DHX33: variants seen among roughly 807,000 people sequenced by gnomAD.
DHX33 encodes the protein ATP-dependent RNA helicase DHX33.
In DHX33, 42 loss-of-function variants were observed where a neutral mutation model predicts 72.5. That is an observed-to-expected ratio of 0.58 (90% confidence interval 0.45 to 0.75). The LOEUF is 0.75. Among genes scored for constraint, DHX33 ranks in the 30% least tolerant of loss-of-function variants. The pLI, the probability that DHX33 is intolerant of heterozygous loss-of-function variation, is 0.00. For synonymous variants in DHX33, 358 were observed against 366.1 expected (o/e 0.98, Z 0.25); for missense variants, 842 against 917.5 (o/e 0.92, Z 1.06).
intron 1 of DHX33, 38 bp from the exon 2 acceptor site, chr17:5,463,727 A>C: frequency 6.4e-7 from 1 of 1,554,920 alleles, no homozygotes; most frequent in Non-Finnish European, 8.7e-7. Context: ...GGCTCACTGA[A>C]ATGCAAACTG....
In DHX33 at chr17:5,457,606, CA is replaced by C. The variant is rs55832565; in HGVS notation, c.850-1425del. Reference sequence around the variant, plus strand: ...TGGGCGACACAGTGAGACTCCATCTCAAAAAAAAAAAAAAAAAGTGCCTAAT... The same window carrying C: ...TGGGCGACACAGTGAGACTCCATCTCAAAAAAAAAAAAAAAAGTGCCTAAT... On this transcript the variant is annotated intron_variant, in intron 4 of 11. Coordinates refer to ENST00000225296, the MANE Select transcript of DHX33 (RefSeq NM_020162.4). Among the ~76,000 whole-genome samples the C allele has an allele frequency of 4.1e-3, 397 of 95,824 alleles. 1 individual carries two copies. Among genetic ancestry groups the C allele is most frequent in the Non-Finnish European group, 7.3e-3 (322 of 43,894 alleles). 62.9% of individuals were successfully genotyped at this position (95,824 alleles called of 152,430 possible).
In DHX33 at chr17:5,453,918, C is replaced by A. The variant is rs1917071090; in HGVS notation, c.1210G>T (p.Gly404Trp). ...CCACTGTCCTCTCTGCCAGCCCTCCCTGTGCGCTGCCAAGCCTGCGTCTTC... is the reference window on the plus strand; with the variant it reads ...CCACTGTCCTCTCTGCCAGCCCTCCATGTGCGCTGCCAAGCCTGCGTCTTC... ...VSKTQAWQRT[G>W]RAGREDSGIC... is the part of the protein sequence containing the mutation. Residue 404 changes from glycine to tryptophan, a missense_variant, in exon 7 of 12, where the codon GGG (glycine) becomes TGG (tryptophan). By Grantham distance (184) the Gly-to-Trp change is radical (BLOSUM62 -2). Coordinates refer to ENST00000225296, the MANE Select transcript of DHX33 (RefSeq NM_020162.4). 5 of 1,614,164 alleles carry A rather than the reference C, an allele frequency of 3.1e-6. No individual in the cohort carries two copies. Among genetic ancestry groups the A allele is most frequent in the Admixed American group, 3.3e-5 (2 of 60,026 alleles).
intron 1 of DHX33, among the ~76,000 whole-genome samples, chr17:5,464,950 T>C (rs11655413): frequency 0.019 from 2,922 of 152,350 alleles, 47 homozygotes; most frequent in Non-Finnish European, 0.031. Context: ...GGCTCCGTAG[T>C]GCCTTGTTCA....
chr17:5,455,046 C>T, intron 6 of DHX33, 114 bp downstream of exon 6: 1 of 943,468 alleles, frequency 1.1e-6, no homozygotes, highest in Non-Finnish European at 1.7e-6. Flanking sequence ...TGGCGCCTGC[C>T]ACCTGAATTT....
At position 5,468,861 on chromosome 17, in the gene DHX33, T is replaced by C; in HGVS notation, c.-2A>G. The C allele has an allele frequency of 3.2e-6, 5 of 1,553,088 alleles. No homozygotes were observed. The highest frequency in any genetic ancestry group is 4.4e-6 in the Non-Finnish European group (5 of 1,148,838). On this transcript the variant is annotated 5_prime_UTR_variant, in exon 1 of 12. Transcript: ENST00000225296. Reference sequence around the variant, plus strand: ...CGGGAAGCCCGCCTCCTCCGGCATGTCGGGAGGGCACCGCGGCGGGAGGCG... The same window carrying C: ...CGGGAAGCCCGCCTCCTCCGGCATGCCGGGAGGGCACCGCGGCGGGAGGCG...
intron 2 of DHX33, among the ~76,000 whole-genome samples, chr17:5,463,057 C>T (rs894218400): frequency 1.1e-4 from 16 of 150,898 alleles, no homozygotes; most frequent in African/African-American, 2.4e-4. Flanking sequence ...TCAGCCTGGG[C>T]GACCGAGCGA....
At chr17:5,465,369 G>C (rs1904832135) in intron 1 of DHX33, among the ~76,000 whole-genome samples, 1 of 152,120 alleles carries the variant, frequency 6.6e-6, no homozygotes, top group Non-Finnish European at 1.5e-5. Flanking sequence ...GAATCCACTA[G>C]GCAAAACCCC....
rs765673659 is a variant in DHX33 at position 5,468,752 on chromosome 17, C to G, written c.108G>C (p.Leu36=). Residue 36 remains leucine, a synonymous_variant, in exon 1 of 12, where the codon CTG becomes CTC. Coordinates refer to ENST00000225296, the MANE Select transcript of DHX33 (RefSeq NM_020162.4). ...CTCCTCTGCCGCCGCTGCCCGCAGT[C>G]AGCAGCATCACCACTTGCCTCCCGG... is the stretch of plus-strand genomic sequence containing the variant. ...FPPGRQVVML[L]TAGSGGRGGG... is the part of the protein sequence containing the mutation. 3.1e-6 allele frequency: 5 copies of G among 1,611,024 alleles called. No homozygotes were observed. In the African/African-American group the frequency reaches 6.7e-5, roughly 22 times the overall value.
rs891389855 is a variant in DHX33, at chr17:5,462,655, C to T, written c.451-109G>A. ...CCACAGTGAACAAGACCAACACCAA[C>T]GCTTCCCACTCCCTTGGGAAGCATG... is the stretch of plus-strand genomic sequence containing the variant. On this transcript the variant is annotated intron_variant, in intron 2 of 11. Coordinates refer to ENST00000225296, the MANE Select transcript of DHX33 (RefSeq NM_020162.4). 6.4e-5 allele frequency: 47 copies of T among 736,162 alleles called. 1 individual carries two copies. Among genetic ancestry groups the T allele is most frequent in the East Asian group, 3.0e-4 (12 of 40,256 alleles). The allele number at this position is 736,162 out of a possible 1,614,324, so 45.6% of individuals were successfully genotyped here.
In DHX33 at chr17:5,460,832, TCA is replaced by T. The variant is rs368949268; in HGVS notation, c.849+105_849+106del. On this transcript the variant is annotated intron_variant, in intron 4 of 11. Transcript: ENST00000225296. ...TCCTTATTCATCTTGATGACACAACTCACAAAGTTGTTTTATTCAGTAGCTTT... is the reference window on the plus strand; with the variant it reads ...TCCTTATTCATCTTGATGACACAACTCAAAGTTGTTTTATTCAGTAGCTTT... The T allele has an allele frequency of 8.0e-5, 108 of 1,355,846 alleles. 1 individual carries two copies. In the East Asian group the frequency reaches 1.5e-3, roughly 19 times the overall value. 84.0% of individuals were successfully genotyped at this position (1,355,846 alleles called of 1,614,324 possible).
chr17:5,461,212 C>A, intron 3 of DHX33, 103 bp from the exon 4 acceptor site: 1 of 1,226,012 alleles, frequency 8.2e-7, no homozygotes, highest in East Asian at 2.4e-5. Context: ...TGTGCCACCC[C>A]CATCACAGTT....
intron 3 of DHX33, 82 bp downstream of exon 3, chr17:5,462,237 G>A: frequency 1.5e-6 from 2 of 1,374,380 alleles, no homozygotes; most frequent in Admixed American, 2.0e-5. Flanking sequence ...ACCGCGCCCA[G>A]CCAGGCCTGT....
Position 5,456,051 on chromosome 17 carries a change from C to A in DHX33, c.981G>T (p.Leu327=), listed in dbSNP as rs767633350. 2 of 1,613,320 alleles carry A rather than the reference C, an allele frequency of 1.2e-6. No homozygotes were observed. The highest frequency in any genetic ancestry group is 1.7e-6 in the Non-Finnish European group (2 of 1,180,042). Residue 327 remains leucine (L), a synonymous_variant, in exon 5 of 12, where the codon CTG becomes CTT. Transcript: ENST00000225296. Reference sequence around the variant, plus strand: ...GCTGTGCATAGGGCAGGGAGGCGTACAGAGGAAGGACCAGCATCGCAGGGC... The same window carrying A: ...GCTGTGCATAGGGCAGGGAGGCGTAAAGAGGAAGGACCAGCATCGCAGGGC... ...DGCPAMLVLP[L]YASLPYAQQL...
At position 5,468,958 on chromosome 17, in the gene DHX33, G is replaced by GTTTT; in HGVS notation, c.-100_-99insAAAA. 3 of 1,104,120 alleles carry GTTTT rather than the reference G, an allele frequency of 2.7e-6. No individual in the cohort carries two copies. The highest frequency in any genetic ancestry group is 2.3e-5 in the Admixed American group (1 of 42,582). 68.4% of individuals were successfully genotyped at this position (1,104,120 alleles called of 1,614,324 possible). Reference sequence around the variant, plus strand: ...CACACCGCCCCTTCCTCGCCGCCACGTGCTGGCGGCTCCCGGCGACCACCG... The same window carrying GTTTT: ...CACACCGCCCCTTCCTCGCCGCCACGTTTTTGCTGGCGGCTCCCGGCGACCACCG... On this transcript the variant is annotated 5_prime_UTR_variant, in exon 1 of 12. Coordinates refer to ENST00000225296, the MANE Select transcript of DHX33 (RefSeq NM_020162.4).
intron 6 of DHX33, among the ~76,000 whole-genome samples, 199 bp from the exon 7 acceptor site, chr17:5,454,179 C>T (rs1011491616): frequency 6.6e-6 from 1 of 152,166 alleles, no homozygotes; most frequent in East Asian, 1.9e-4. Context: ...GCCATAAGCC[C>T]ACTGTGAAAT....
intron 11 of DHX33, among the ~76,000 whole-genome samples, chr17:5,446,482 C>T (rs945329357): frequency 3.3e-5 from 5 of 151,910 alleles, no homozygotes; most frequent in Non-Finnish European, 7.4e-5. Flanking sequence ...AAGAATCAAT[C>T]TTATAGGTTG....
intron 11 of DHX33, among the ~76,000 whole-genome samples, chr17:5,445,043 G>C (rs746193608): frequency 7.3e-5 from 11 of 151,588 alleles, no homozygotes; most frequent in Non-Finnish European, 1.2e-4. Flanking sequence ...ACCCTGAGCT[G>C]CTCGCCTGTC....
intron 6 of DHX33, among the ~76,000 whole-genome samples, chr17:5,454,588 G>A (rs1476967048): frequency 6.6e-6 from 1 of 152,204 alleles, no homozygotes; most frequent in East Asian, 1.9e-4. Context: ...GTGGAAGCCA[G>A]GACCCTCAAA....
At position 5,453,920 on chromosome 17, in the gene DHX33, G is replaced by A. The variant is rs575956171; in HGVS notation, c.1208C>T (p.Thr403Ile). 5 of 1,614,096 alleles carry A rather than the reference G, an allele frequency of 3.1e-6. No individual in the cohort carries two copies. The highest frequency in any genetic ancestry group is 1.7e-5 in the Admixed American group (1 of 60,024). ...ACTGTCCTCTCTGCCAGCCCTCCCT[G>A]TGCGCTGCCAAGCCTGCGTCTTCGA... ...RVSKTQAWQR[T>I]GRAGREDSGI... Residue 403 changes from threonine (T) to isoleucine (I), a missense_variant, in exon 7 of 12, where the codon ACA becomes ATA. Coordinates refer to ENST00000225296, the MANE Select transcript of DHX33 (RefSeq NM_020162.4).
Sources: gnomAD v4.1 joint callset for allele counts (sites outside exome capture counted in the v4.1 genomes callset) on GRCh38, gnomAD v4.1.1 for gene constraint, MANE v1.5 for transcripts, NCBI Gene and HGNC (gene_info 2026-07-23, HGNC 2026-07-21) for gene names.